ACOT11: variants seen among roughly 807,000 people sequenced by gnomAD.
ACOT11 encodes acyl-CoA thioesterase 11, also known as acyl-coenzyme A thioesterase 11.
ACOT11 carries 69 observed loss-of-function variants against 77.5 expected under a neutral mutation model. The ratio of observed to expected loss-of-function variants is 0.89; its 90% CI spans 0.73 to 1.09. The LOEUF (loss-of-function observed/expected upper bound fraction) is 1.09. ACOT11 is among the 50% of genes least tolerant of loss of function. ACOT11 has a pLI of 0.00. For synonymous variants in ACOT11, 279 were observed against 313.0 expected (o/e 0.89, Z 1.15); for missense variants, 766 against 813.7 (o/e 0.94, Z 0.71).
chr1:54,601,532 C>A, intron 9 of ACOT11, 119 bp downstream of exon 9: 2 of 1,432,464 alleles, frequency 1.4e-6, no homozygotes, highest in Non-Finnish European at 9.3e-7. Flanking sequence ...CACCCTACCC[C>A]CGTGCTGGGG....
At chr1:54,557,517 C>T (rs1284601180) in intron 1 of ACOT11, among the ~76,000 whole-genome samples, 1 of 151,972 alleles carries the variant, frequency 6.6e-6, no homozygotes, top group African/African-American at 2.4e-5. Flanking sequence ...TGGGCTCAAG[C>T]AATCCTCCCA....
intron 1 of ACOT11, among the ~76,000 whole-genome samples, chr1:54,568,196 T>C (rs300280): frequency 0.68 from 103,562 of 151,906 alleles, 36,101 homozygotes; most frequent in African/African-American, 0.85. Flanking sequence ...AGGAAGCCTC[T>C]TTGATTACAC....
At chr1:54,631,710 C>T (rs955738087) in intron 16 of ACOT11, among the ~76,000 whole-genome samples, 2 of 152,170 alleles carry the variant, frequency 1.3e-5, no homozygotes, top group South Asian at 4.1e-4. Flanking sequence ...GGGAACAATA[C>T]CCTTCCTTTA....
Position 54,603,921 on chromosome 1 carries a change from G to A in ACOT11, c.1136G>A (p.Trp379Ter). Reference sequence around the variant, plus strand: ...ACAGAGGTGCCCCTCTCCGTCCCCTGGGACCCTAGCAACCAGGTAAGGCTC... The same window carrying A: ...ACAGAGGTGCCCCTCTCCGTCCCCTAGGACCCTAGCAACCAGGTAAGGCTC... The part of the protein sequence containing the change: ...KQTEVPLSVP[W>*]DPSNQVYLSY... The change falls in exon 11 of 16, where the codon TGG becomes TAG. Residue 379 changes from tryptophan to a stop codon, truncating the protein, a stop_gained. Transcript: ENST00000343744. LOFTEE classifies it high-confidence loss of function. 1 of 1,614,080 alleles carries A rather than the reference G, an allele frequency of 6.2e-7. No individual in the cohort carries two copies. The highest frequency in any genetic ancestry group is 8.5e-7 in the Non-Finnish European group (1 of 1,179,988).
intron 1 of ACOT11, among the ~76,000 whole-genome samples, chr1:54,567,696 A>G (rs1288366815): frequency 6.6e-6 from 1 of 151,830 alleles, no homozygotes; most frequent in East Asian, 1.9e-4. Flanking sequence ...GCTTCCCTCG[A>G]CCACCCTCTC....
chr1:54,549,677 G>A (rs893567005), intron 1 of ACOT11, among the ~76,000 whole-genome samples: 2 of 152,202 alleles, frequency 1.3e-5, no homozygotes, highest in African/African-American at 2.4e-5. Flanking sequence ...GGAGCAACAC[G>A]AGGCTGCTCT....
At chr1:54,589,317 CTTT>C (rs397863314) in intron 3 of ACOT11, among the ~76,000 whole-genome samples, 1,504 of 124,344 alleles carry the variant, frequency 0.012, 22 homozygotes, top group Non-Finnish European at 0.019. Flanking sequence ...ATGCCTGGCC[CTTT>C]TTTTTTTTTT....
chr1:54,626,765 G>T (rs904453452), intron 15 of ACOT11, among the ~76,000 whole-genome samples: 1 of 135,374 alleles, frequency 7.4e-6, no homozygotes, highest in African/African-American at 2.5e-5. Flanking sequence ...AGTTCTTACG[G>T]TCCATGAGGG....
At chr1:54,612,463 G>C (rs1300378300), downstream of ACOT11, 3 of 1,571,646 alleles carry the variant, frequency 1.9e-6, no homozygotes, top group Non-Finnish European at 2.6e-6. Context: ...CAGGAGGGTG[G>C]GGGTGGGTTT....
At chr1:54,573,885 C>T (rs1231936235) in intron 1 of ACOT11, among the ~76,000 whole-genome samples, 5 of 152,032 alleles carry the variant, frequency 3.3e-5, no homozygotes, top group African/African-American at 2.4e-5. Flanking sequence ...AAAAATTAGC[C>T]GGGCGTGATG....
chr1:54,609,019 C>CCT lies in ACOT11; in HGVS notation c.1696_1697dup (p.Ser567ProfsTer72). On this transcript the variant is annotated frameshift_variant, in exon 16 of 16. Transcript: ENST00000343744. LOFTEE classifies it high-confidence loss of function. ...ACTATGTGACCACCAACGTGGCCGG[C>CCT]CTCTCCTCTGAGTTCTACACCACCT... is the stretch of plus-strand genomic sequence containing the variant. 2 of 1,610,008 alleles carry CCT rather than the reference C, an allele frequency of 1.2e-6. No homozygotes were observed. Among genetic ancestry groups the CCT allele is most frequent in the Non-Finnish European group, 1.7e-6 (2 of 1,178,416 alleles).
downstream of ACOT11, chr1:54,612,461 TG>T: frequency 6.6e-7 from 1 of 1,508,116 alleles, no homozygotes. Flanking sequence ...TCCAGGAGGG[TG>T]GGGGTGGGTT....
intron 1 of ACOT11, among the ~76,000 whole-genome samples, chr1:54,554,348 TATA>T (rs1316589203): frequency 2.3e-4 from 23 of 99,174 alleles, no homozygotes; most frequent in Admixed American, 7.3e-4. Flanking sequence ...TATATATATA[TATA>T]TTTTTTTTTT....
chr1:54,602,527 C>A (rs1643976372), intron 9 of ACOT11, 142 bp from the exon 10 acceptor site: 1 of 752,858 alleles, frequency 1.3e-6, no homozygotes, highest in Admixed American at 3.9e-5. Context: ...ACTTTGCTGG[C>A]CAGGATGTTT....
chr1:54,600,006 A>G (rs1643943808), intron 8 of ACOT11, among the ~76,000 whole-genome samples: 1 of 152,218 alleles, frequency 6.6e-6, no homozygotes, highest in African/African-American at 2.4e-5. Context: ...GAAGTAACTT[A>G]ACCCCTCTGA....
In ACOT11 at chr1:54,609,426, G is replaced by A. The variant is rs41297135; in HGVS notation, c.*314G>A. On this transcript the variant is annotated 3_prime_UTR_variant, in exon 16 of 16. Coordinates refer to ENST00000343744, the MANE Select transcript of ACOT11 (RefSeq NM_147161.4). Reference sequence around the variant, plus strand: ...TTGTGCTCCACTGTGACGGTGGCCCGGGGGGAGGATGCCAGCAGCCTGCCT... The same window carrying A: ...TTGTGCTCCACTGTGACGGTGGCCCAGGGGGAGGATGCCAGCAGCCTGCCT... 1.4e-5 allele frequency: 22 copies of A among 1,613,334 alleles called. No homozygotes were observed. The highest frequency in any genetic ancestry group is 3.3e-4 in the Middle Eastern group (2 of 6,082).
downstream of ACOT11, chr1:54,610,793 C>G (rs944235232): frequency 1.0e-6 from 1 of 984,576 alleles, no homozygotes; most frequent in African/African-American, 1.7e-5. Flanking sequence ...CTGCCTGGCT[C>G]CAGAGCTGGT....
intron 1 of ACOT11, among the ~76,000 whole-genome samples, chr1:54,568,627 G>T (rs1036924639): frequency 1.3e-5 from 2 of 152,136 alleles, no homozygotes; most frequent in African/African-American, 4.8e-5. Flanking sequence ...GCCTCTGAAA[G>T]TGCTGGGATT....
At chr1:54,631,168 G>GC (rs1209259064) in intron 16 of ACOT11, among the ~76,000 whole-genome samples, 1 of 152,144 alleles carries the variant, frequency 6.6e-6, no homozygotes, top group Non-Finnish European at 1.5e-5. Flanking sequence ...AAAAGTAGTT[G>GC]CCCCAGTGAC....
Sources: allele counts gnomAD v4.1 joint callset (sites outside exome capture counted in the v4.1 genomes callset), GRCh38; gene constraint gnomAD v4.1.1; transcripts MANE v1.5; gene names NCBI Gene and HGNC (gene_info 2026-07-23, HGNC 2026-07-21).